Variants in RIT2 observed in about 807,000 individuals in gnomAD.
The protein encoded by RIT2 is GTP-binding protein Rit2.
A neutral mutation model predicts 23.7 loss-of-function variants in RIT2; 24 were observed. The ratio of observed to expected loss-of-function variants is 1.01; its 90% CI spans 0.73 to 1.43. RIT2 has a LOEUF of 1.43. Ranked by LOEUF, RIT2 falls within the 40% of genes most tolerant of loss-of-function variation. RIT2 has a pLI of 0.00. For missense variants in RIT2, 236 were observed against 266.9 expected (o/e 0.88, Z 0.81); for synonymous variants, 107 against 91.1 (o/e 1.17, Z -0.99).
At chr18:43,080,977 G>A (rs1028167120) in intron 1 of RIT2, among the ~76,000 whole-genome samples, 4 of 152,186 alleles carry the variant, frequency 2.6e-5, no homozygotes, top group South Asian at 2.1e-4. Flanking sequence ...ATCCTGGGGC[G>A]AACGTCAACA....
intron 4 of RIT2, among the ~76,000 whole-genome samples, chr18:42,855,574 C>T (rs970492711): frequency 2.0e-5 from 3 of 152,100 alleles, no homozygotes; most frequent in African/African-American, 7.2e-5. Context: ...GGGGTAAATG[C>T]CACAGAATTA....
At chr18:42,967,030 A>G (rs1000629913) in intron 3 of RIT2, among the ~76,000 whole-genome samples, 1 of 152,116 alleles carries the variant, frequency 6.6e-6, no homozygotes, top group East Asian at 1.9e-4. Flanking sequence ...TCCTTTCCCA[A>G]TTGATCAATA....
chr18:42,880,728 T>C (rs918309565), intron 4 of RIT2, among the ~76,000 whole-genome samples: 1 of 151,874 alleles, frequency 6.6e-6, no homozygotes, highest in African/African-American at 2.4e-5. Flanking sequence ...AACCAAGACT[T>C]CACCCTTCTG....
chr18:42,988,404 G>A (rs919184236), intron 2 of RIT2, among the ~76,000 whole-genome samples: 1 of 151,944 alleles, frequency 6.6e-6, no homozygotes, highest in African/African-American at 2.4e-5. Flanking sequence ...TTGTATTTCA[G>A]ATAATGACAA....
intron 4 of RIT2, among the ~76,000 whole-genome samples, chr18:42,770,644 G>T (rs1279119332): frequency 6.6e-6 from 1 of 152,186 alleles, no homozygotes; most frequent in Non-Finnish European, 1.5e-5. Flanking sequence ...CTTGGTAAGG[G>T]ATAGAGATAT....
intron 3 of RIT2, among the ~76,000 whole-genome samples, chr18:42,972,383 G>T (rs1184949079): frequency 4.0e-5 from 6 of 151,780 alleles, no homozygotes; most frequent in African/African-American, 9.7e-5. Context: ...AGAAAGAGAT[G>T]ACCTATTTCT....
chr18:42,977,514 G>A (rs1229888035), intron 2 of RIT2, among the ~76,000 whole-genome samples: 1 of 151,918 alleles, frequency 6.6e-6, no homozygotes, highest in African/African-American at 2.4e-5. Context: ...GTAGAAAGTA[G>A]TAATGATCAA....
chr18:43,032,228 T>C (rs1465403369), intron 2 of RIT2, among the ~76,000 whole-genome samples: 1 of 152,102 alleles, frequency 6.6e-6, no homozygotes, highest in East Asian at 1.9e-4. Context: ...CATGGATAAC[T>C]AAAGGAGACA....
At chr18:42,864,692 C>T (rs1022572079) in intron 4 of RIT2, among the ~76,000 whole-genome samples, 5 of 152,186 alleles carry the variant, frequency 3.3e-5, no homozygotes, top group African/African-American at 1.2e-4. Context: ...GAACCAGATC[C>T]TTTTTCACAG....
At chr18:43,084,436 G>A (rs527518891) in intron 1 of RIT2, among the ~76,000 whole-genome samples, 6 of 152,252 alleles carry the variant, frequency 3.9e-5, no homozygotes, top group East Asian at 3.9e-4. Context: ...ACATGTACAC[G>A]TATGTTTATT....
At chr18:43,034,836 G>T (rs529456096) in intron 1 of RIT2, among the ~76,000 whole-genome samples, 1 of 152,212 alleles carries the variant, frequency 6.6e-6, no homozygotes, top group South Asian at 2.1e-4. Flanking sequence ...AGTCAGTTTA[G>T]CAAGAATCTT....
chr18:42,846,941 A>C (rs557027870), intron 4 of RIT2, among the ~76,000 whole-genome samples: 6 of 152,272 alleles, frequency 3.9e-5, no homozygotes, highest in African/African-American at 1.2e-4. Flanking sequence ...CTTGAACTGG[A>C]GTATAATTTC....
rs116040849 is a variant in RIT2 at position 43,093,188 on chromosome 18, C to T, written c.103+22229G>A. Among the ~76,000 whole-genome samples, 454 of 151,968 alleles carry T rather than the reference C, an allele frequency of 3.0e-3. 1 individual carries two copies. The highest frequency in any genetic ancestry group is 9.0e-3 in the African/African-American group (371 of 41,366). Reference sequence around the variant, plus strand: ...TTGAGTTAAACTAATTCAGTGCTTTCGCTTTTTAAATGAGAAAATAGAGCC... The same window carrying T: ...TTGAGTTAAACTAATTCAGTGCTTTTGCTTTTTAAATGAGAAAATAGAGCC... On this transcript the variant is annotated intron_variant, in intron 1 of 4. Coordinates refer to ENST00000326695, the MANE Select transcript of RIT2 (RefSeq NM_002930.4).
At chr18:42,880,875 T>A (rs552263276) in intron 4 of RIT2, among the ~76,000 whole-genome samples, 1 of 148,578 alleles carries the variant, frequency 6.7e-6, no homozygotes, top group African/African-American at 2.5e-5. Context: ...TGGCATGATC[T>A]CGGCTCACTG....
At chr18:42,939,417 A>C (rs2144156011) in intron 3 of RIT2, among the ~76,000 whole-genome samples, 1 of 152,284 alleles carries the variant, frequency 6.6e-6, no homozygotes, top group Admixed American at 6.5e-5. Flanking sequence ...CATAGTAAGA[A>C]CCAATATACT....
intron 2 of RIT2, among the ~76,000 whole-genome samples, chr18:42,985,102 GA>G (rs1910681114): frequency 6.6e-6 from 1 of 151,944 alleles, no homozygotes; most frequent in Non-Finnish European, 1.5e-5. Context: ...ACTTAGTAAA[GA>G]AAAATCAACT....
At chr18:42,915,760 A>T (rs936975869) in intron 4 of RIT2, among the ~76,000 whole-genome samples, 1 of 151,952 alleles carries the variant, frequency 6.6e-6, no homozygotes, top group South Asian at 2.1e-4. Flanking sequence ...CAAAAACTAG[A>T]TTGAATCTGT....
chr18:42,918,122 A>T (rs1183951660), intron 4 of RIT2, among the ~76,000 whole-genome samples: 2 of 152,160 alleles, frequency 1.3e-5, no homozygotes, highest in Non-Finnish European at 2.9e-5. Context: ...CTGTAACTTC[A>T]CATTATTGCA....
chr18:42,963,302 T>G (rs1433259399), intron 3 of RIT2, among the ~76,000 whole-genome samples: 1 of 152,118 alleles, frequency 6.6e-6, no homozygotes, highest in Non-Finnish European at 1.5e-5. Context: ...GTTACTTAAT[T>G]AAGAACCACC....
Sources: allele counts gnomAD v4.1 joint callset (sites outside exome capture counted in the v4.1 genomes callset), GRCh38; gene constraint gnomAD v4.1.1; transcripts MANE v1.5; gene names NCBI Gene and HGNC (gene_info 2026-07-23, HGNC 2026-07-21).